NRG3: variants seen among roughly 807,000 people sequenced by gnomAD.
NRG3 encodes neuregulin 3.
A neutral mutation model predicts 66.9 loss-of-function variants in NRG3; 31 were observed. That is an observed-to-expected ratio of 0.46 (90% CI 0.35 to 0.63). The LOEUF (loss-of-function observed/expected upper bound fraction) is 0.63, where lower values mean the gene tolerates loss of function less well. NRG3 is among the 20% of genes least tolerant of loss of function. The pLI, the probability that NRG3 is intolerant of heterozygous loss-of-function variation, is 0.00. For synonymous variants in NRG3, 393 were observed against 359.4 expected (o/e 1.09, Z -1.06); for missense variants, 910 against 878.9 (o/e 1.04, Z -0.45).
chr10:82,412,160 T>TA (rs758432059), intron 2 of NRG3, among the ~76,000 whole-genome samples: 80 of 152,278 alleles, frequency 5.3e-4, no homozygotes, highest in Non-Finnish European at 9.4e-4. Flanking sequence ...TTTGTGATAT[T>TA]ACAGTTAATG....
chr10:82,297,126 G>T (rs1009662791), intron 1 of NRG3, among the ~76,000 whole-genome samples: 56 of 152,232 alleles, frequency 3.7e-4, no homozygotes, highest in African/African-American at 1.0e-3. Flanking sequence ...TATTCTTTAT[G>T]GCTGCATAGT....
At chr10:82,509,517 A>G (rs550147795) in intron 2 of NRG3, among the ~76,000 whole-genome samples, 2 of 152,318 alleles carry the variant, frequency 1.3e-5, no homozygotes, top group South Asian at 4.1e-4. Context: ...GTCAGAATGC[A>G]TGCCTCAACA....
At chr10:82,308,190 G>T (rs2134917259) in intron 1 of NRG3, among the ~76,000 whole-genome samples, 1 of 152,226 alleles carries the variant, frequency 6.6e-6, no homozygotes, top group African/African-American at 2.4e-5. Context: ...GATTGAGACA[G>T]AGTCTCCCTC....
chr10:82,708,110 T>G (rs2056432680), intron 2 of NRG3, among the ~76,000 whole-genome samples: 1 of 152,164 alleles, frequency 6.6e-6, no homozygotes, highest in African/African-American at 2.4e-5. Context: ...CATATCCGTT[T>G]TTAATCTTAC....
chr10:81,974,011 G>T (rs1485839159), intron 1 of NRG3, among the ~76,000 whole-genome samples: 1 of 152,084 alleles, frequency 6.6e-6, no homozygotes, highest in Non-Finnish European at 1.5e-5. Context: ...ACATTGCCTA[G>T]GTTGTCTTCC....
chr10:82,681,140 G>GA (rs1346708863), intron 2 of NRG3, among the ~76,000 whole-genome samples: 1 of 151,944 alleles, frequency 6.6e-6, no homozygotes, highest in African/African-American at 2.4e-5. Context: ...ATCATGTGAG[G>GA]AAAAAAAACT....
chr10:82,095,503 A>G (rs2066282480), intron 1 of NRG3, among the ~76,000 whole-genome samples: 1 of 152,180 alleles, frequency 6.6e-6, no homozygotes, highest in Admixed American at 6.5e-5. Flanking sequence ...CTGATCAGGG[A>G]AACAGAGACA....
chr10:82,917,573 C>T (rs890114519), intron 4 of NRG3, among the ~76,000 whole-genome samples: 1 of 152,100 alleles, frequency 6.6e-6, no homozygotes, highest in Non-Finnish European at 1.5e-5. Flanking sequence ...GGTGCCTGTC[C>T]TTTCCCATTT....
chr10:82,457,948 G>T (rs886483634), intron 2 of NRG3, among the ~76,000 whole-genome samples: 1 of 152,190 alleles, frequency 6.6e-6, no homozygotes, highest in Admixed American at 6.5e-5. Context: ...AGAGCTTGAT[G>T]CACGTCAAAA....
intron 1 of NRG3, among the ~76,000 whole-genome samples, chr10:82,111,491 A>G (rs528557256): frequency 2.0e-5 from 3 of 152,230 alleles, no homozygotes; most frequent in African/African-American, 7.2e-5. Context: ...CATGCCCTCT[A>G]TGCTGTTATC....
intron 2 of NRG3, among the ~76,000 whole-genome samples, chr10:82,733,079 A>G (rs1300859281): frequency 1.3e-5 from 2 of 152,186 alleles, no homozygotes; most frequent in African/African-American, 2.4e-5. Context: ...TTTGTCTACA[A>G]CCATTTCCCT....
chr10:82,840,251 C>T (rs370461316), intron 3 of NRG3, among the ~76,000 whole-genome samples: 2 of 152,120 alleles, frequency 1.3e-5, no homozygotes, highest in African/African-American at 2.4e-5. Context: ...CCTTCACTCC[C>T]ATCAGGTAGT....
chr10:82,136,440 G>A (rs2069353002), intron 1 of NRG3, among the ~76,000 whole-genome samples: 1 of 151,958 alleles, frequency 6.6e-6, no homozygotes, highest in Admixed American at 6.6e-5. Flanking sequence ...TTCAGCCCAG[G>A]GAGAGTCCAG....
At chr10:82,183,369 T>C (rs1297798146) in intron 1 of NRG3, among the ~76,000 whole-genome samples, 3 of 152,018 alleles carry the variant, frequency 2.0e-5, no homozygotes, top group African/African-American at 7.2e-5. Context: ...GACTGTATAA[T>C]TTCAAATGAC....
chr10:82,721,329 G>C (rs12256836), intron 2 of NRG3, among the ~76,000 whole-genome samples: 35,602 of 150,582 alleles, frequency 0.24, 4,543 homozygotes, highest in Middle Eastern at 0.36. Flanking sequence ...TAGTAGAGGC[G>C]GTGTTTCACT....
intron 1 of NRG3, among the ~76,000 whole-genome samples, chr10:82,114,937 C>CT (rs2067615178): frequency 6.6e-6 from 1 of 152,080 alleles, no homozygotes; most frequent in African/African-American, 2.4e-5. Context: ...AATCATAGCA[C>CT]TTTTTTGGAG....
intron 3 of NRG3, among the ~76,000 whole-genome samples, chr10:82,842,855 G>A (rs991410076): frequency 2.0e-5 from 3 of 152,022 alleles, no homozygotes; most frequent in South Asian, 4.1e-4. Context: ...GGCGTAGCTG[G>A]GACTACAGGC....
At chr10:82,890,515 A>T (rs1385861280) in intron 4 of NRG3, among the ~76,000 whole-genome samples, 1 of 152,232 alleles carries the variant, frequency 6.6e-6, no homozygotes, top group Non-Finnish European at 1.5e-5. Flanking sequence ...TCATGTGAAT[A>T]TAATTTATAC....
At position 82,246,817 on chromosome 10, in the gene NRG3, A is replaced by G. The variant is rs1331014969; in HGVS notation, c.824-111922A>G. 2.6e-5 allele frequency among the ~76,000 whole-genome samples: 4 copies of G among 152,182 alleles called. No individual in the cohort carries two copies. The South Asian group carries it at 8.3e-4, about 32-fold the overall frequency. On this transcript the variant is annotated intron_variant, in intron 1 of 8. Coordinates refer to ENST00000372141, the MANE Select transcript of NRG3 (RefSeq NM_001010848.4). ...TCAGAGTCACTGGGTCTGAGTGTGAATGCTGGCCCACCTGCTATGTGAATG... is the reference window on the plus strand; with the variant it reads ...TCAGAGTCACTGGGTCTGAGTGTGAGTGCTGGCCCACCTGCTATGTGAATG...
Sources: gnomAD v4.1 joint callset for allele counts (sites outside exome capture counted in the v4.1 genomes callset) on GRCh38, gnomAD v4.1.1 for gene constraint, MANE v1.5 for transcripts, NCBI Gene and HGNC (gene_info 2026-07-23, HGNC 2026-07-21) for gene names.